TNN: variants seen among roughly 807,000 people sequenced by gnomAD.
The protein encoded by TNN is tenascin-N.
TNN carries 122 observed loss-of-function variants against 134.4 expected under a neutral mutation model. The ratio of observed to expected loss-of-function variants is 0.91; its 90% CI spans 0.78 to 1.06. TNN has a LOEUF of 1.06. TNN is among the 50% of genes least tolerant of loss of function. The probability of loss-of-function intolerance (pLI) is 0.00; values close to 1 mark genes in which losing one functional copy is unlikely to be tolerated. For synonymous variants in TNN, 710 were observed against 670.3 expected, an observed-to-expected ratio of 1.06 and a Z score of -0.91; for missense variants, 1,739 against 1,699.4, an observed-to-expected ratio of 1.02 and a Z score of -0.41.
chr1:175,120,894 G>A (rs949512363), intron 11 of TNN, among the ~76,000 whole-genome samples: 18 of 152,108 alleles, frequency 1.2e-4, no homozygotes, highest in African/African-American at 3.4e-4. Flanking sequence ...TTGACCTCCC[G>A]GGCTCAAGCC....
chr1:175,082,273 G>A (rs1486983059), intron 4 of TNN, among the ~76,000 whole-genome samples: 3 of 152,144 alleles, frequency 2.0e-5, no homozygotes, highest in Non-Finnish European at 4.4e-5. Context: ...TCTTGCTCTC[G>A]GGATTTGTAA....
chr1:175,071,909 T>C (rs987787973), intron 1 of TNN, among the ~76,000 whole-genome samples: 24 of 152,274 alleles, frequency 1.6e-4, no homozygotes, highest in African/African-American at 5.5e-4. Context: ...TCACAAAATA[T>C]TACTTTGGCA....
intron 15 of TNN, among the ~76,000 whole-genome samples, chr1:175,129,292 T>C (rs1026244913): frequency 6.6e-6 from 1 of 152,192 alleles, no homozygotes; most frequent in Non-Finnish European, 1.5e-5. Flanking sequence ...GTCTGTTTAG[T>C]AAACACTGTC....
intron 5 of TNN, among the ~76,000 whole-genome samples, chr1:175,084,622 A>G (rs1674282930): frequency 6.6e-6 from 1 of 152,198 alleles, no homozygotes; most frequent in Non-Finnish European, 1.5e-5. Context: ...TATTAGCTTC[A>G]TGGTAAATTC....
chr1:175,076,510 T>C (rs1674042733), intron 1 of TNN, among the ~76,000 whole-genome samples: 2 of 152,214 alleles, frequency 1.3e-5, no homozygotes, highest in Non-Finnish European at 2.9e-5. Context: ...TCCATTTCTC[T>C]GAATGCTTAG....
At chr1:175,120,403 GA>G (rs1325947468) in intron 11 of TNN, among the ~76,000 whole-genome samples, 1 of 152,244 alleles carries the variant, frequency 6.6e-6, no homozygotes, top group Non-Finnish European at 1.5e-5. Flanking sequence ...TACATAGACA[GA>G]AACACTCAAA....
chr1:175,133,664 A>T (rs1574176403), intron 15 of TNN, among the ~76,000 whole-genome samples: 1 of 151,740 alleles, frequency 6.6e-6, no homozygotes, highest in African/African-American at 2.4e-5. Flanking sequence ...TTCAGTTCCC[A>T]TTTTCTTCCT....
rs1406690146 is a variant in TNN at position 175,077,763 on chromosome 1, G to A, written c.345G>A (p.Leu115=). Residue 115 remains leucine, a synonymous_variant, in exon 2 of 19, where the codon CTG becomes CTA. Coordinates refer to ENST00000239462, the MANE Select transcript of TNN (RefSeq NM_022093.2). ...ACCTCCTGGCCCGGGTGAAGAAGCTGGAGGAAGAGATGGTGGAGATGAAGG... is the reference window on the plus strand; with the variant it reads ...ACCTCCTGGCCCGGGTGAAGAAGCTAGAGGAAGAGATGGTGGAGATGAAGG... ...VQDLLARVKK[L]EEEMVEMKEQ... is the part of the protein sequence containing the mutation. 25 of 1,614,124 alleles carry A rather than the reference G, an allele frequency of 1.5e-5. No individual in the cohort carries two copies. The highest frequency in any genetic ancestry group is 2.2e-5 in the East Asian group (1 of 44,896).
intron 9 of TNN, among the ~76,000 whole-genome samples, chr1:175,116,084 T>A (rs186376235): frequency 6.6e-6 from 1 of 152,172 alleles, no homozygotes; most frequent in African/African-American, 2.4e-5. Context: ...CTTTTAGTTG[T>A]TTTTGTGCAG....
intron 16 of TNN, 146 bp downstream of exon 16, chr1:175,136,087 G>A (rs1574178068): frequency 4.8e-6 from 3 of 628,632 alleles, no homozygotes; most frequent in South Asian, 3.8e-5. Flanking sequence ...CAGGGTGTTG[G>A]TGGGCATGTT....
intron 15 of TNN, among the ~76,000 whole-genome samples, chr1:175,129,727 C>A (rs1480820307): frequency 1.3e-5 from 2 of 151,988 alleles, no homozygotes; most frequent in Non-Finnish European, 2.9e-5. Context: ...AAGCTGGGAC[C>A]AGATTTCAAA....
chr1:175,145,912 G>T (rs2157587), intron 18 of TNN, among the ~76,000 whole-genome samples: 1 of 152,128 alleles, frequency 6.6e-6, no homozygotes, highest in Non-Finnish European at 1.5e-5. Context: ...CTCCACAAAC[G>T]CTGAGTCCCC....
chr1:175,083,824 T>C lies in TNN; in HGVS notation c.1123T>C (p.Ser375Pro), dbSNP rs767891897. The change falls in exon 5 of 19, where the codon TCA becomes CCA. Residue 375 changes from serine (S) to proline (P), a missense_variant. Physicochemically the swap from Ser to Pro is moderately conservative, Grantham distance 74 (BLOSUM62 -1). Coordinates refer to ENST00000239462, the MANE Select transcript of TNN (RefSeq NM_022093.2). ...NSLDVEWENP[S>P]TEVDYYKLRY... ...CCTTGACGTGGAGTGGGAAAACCCC[T>C]CAACTGAGGTGGACTACTACAAGCT... is the stretch of plus-strand genomic sequence containing the variant. 1.4e-5 allele frequency: 23 copies of C among 1,614,090 alleles called. No individual in the cohort carries two copies. The highest frequency in any genetic ancestry group is 1.9e-5 in the Non-Finnish European group (22 of 1,179,990).
intron 6 of TNN, among the ~76,000 whole-genome samples, chr1:175,091,690 G>A (rs1333368714): frequency 6.6e-6 from 1 of 151,924 alleles, no homozygotes; most frequent in Non-Finnish European, 1.5e-5. Context: ...CCAGGTTCAA[G>A]CCATTCTCGT....
chr1:175,090,342 G>A (rs1468865227), intron 6 of TNN, among the ~76,000 whole-genome samples: 1 of 152,192 alleles, frequency 6.6e-6, no homozygotes, highest in African/African-American at 2.4e-5. Context: ...ACAATTGAAA[G>A]ACATTAGAGG....
chr1:175,137,734 T>C (rs1313633590), intron 17 of TNN, among the ~76,000 whole-genome samples: 2 of 152,256 alleles, frequency 1.3e-5, no homozygotes, highest in African/African-American at 4.8e-5. Flanking sequence ...TTTTAAACCA[T>C]AACAAGTGTT....
intron 6 of TNN, among the ~76,000 whole-genome samples, chr1:175,091,672 T>C (rs1674450597): frequency 3.3e-5 from 5 of 152,026 alleles, no homozygotes; most frequent in African/African-American, 1.2e-4. Context: ...TACTGCAACC[T>C]CTGCCTTCCA....
At chr1:175,133,506 C>T (rs1417340856) in intron 15 of TNN, among the ~76,000 whole-genome samples, 1 of 152,204 alleles carries the variant, frequency 6.6e-6, no homozygotes, top group African/African-American at 2.4e-5. Flanking sequence ...ATTGACCACA[C>T]CTTTCTCTTT....
At chr1:175,085,797 C>G (rs1225999865) in intron 6 of TNN, among the ~76,000 whole-genome samples, 1 of 142,468 alleles carries the variant, frequency 7.0e-6, no homozygotes, top group Non-Finnish European at 1.5e-5. Context: ...TTGCTTGAGC[C>G]CGGGAGGTGG....
Sources: gnomAD v4.1 joint callset for allele counts (sites outside exome capture counted in the v4.1 genomes callset) on GRCh38, gnomAD v4.1.1 for gene constraint, MANE v1.5 for transcripts, NCBI Gene and HGNC (gene_info 2026-07-23, HGNC 2026-07-21) for gene names.